The following TENM4 variants were observed in gnomAD, a reference collection of about 807,000 sequenced individuals.
TENM4 encodes the protein teneurin-4.
TENM4 carries 82 observed loss-of-function variants against 243.3 expected under a neutral mutation model. The observed-to-expected ratio is 0.34, with a 90% confidence interval of 0.28 to 0.40. TENM4 has a LOEUF of 0.40. Ranked by LOEUF, TENM4 falls within the 10% of genes least tolerant of loss-of-function variation. The pLI is 1.00. For missense variants in TENM4, 3,138 were observed against 3,673.3 expected (o/e 0.85, Z 3.77); for synonymous variants, 1,412 against 1,456.3 (o/e 0.97, Z 0.69).
intron 1 of TENM4, among the ~76,000 whole-genome samples, chr11:79,342,466 T>A: frequency 6.6e-6 from 1 of 152,074 alleles, no homozygotes; most frequent in Non-Finnish European, 1.5e-5. Flanking sequence ...GGAGGGATGG[T>A]GGCTGGGAGT....
At chr11:79,222,970 C>T (rs1279445544) in intron 2 of TENM4, among the ~76,000 whole-genome samples, 3 of 151,912 alleles carry the variant, frequency 2.0e-5, no homozygotes, top group Non-Finnish European at 4.4e-5. Flanking sequence ...AAACAACATA[C>T]ATTGGGGCCT....
At chr11:78,668,145 C>T (rs752342367) in intron 32 of TENM4, among the ~76,000 whole-genome samples, 11 of 152,216 alleles carry the variant, frequency 7.2e-5, no homozygotes, top group Non-Finnish European at 1.6e-4. Context: ...CTTGCAACCA[C>T]CCTACCAGGT....
chr11:79,274,872 G>A (rs1208513066), intron 2 of TENM4, among the ~76,000 whole-genome samples: 1 of 152,202 alleles, frequency 6.6e-6, no homozygotes, highest in African/African-American at 2.4e-5. Context: ...CACTTGCCAT[G>A]TGACCTTAGC....
chr11:78,823,247 T>C (rs907969285), intron 12 of TENM4, among the ~76,000 whole-genome samples: 1 of 152,150 alleles, frequency 6.6e-6, no homozygotes, highest in African/African-American at 2.4e-5. Flanking sequence ...TCCAGTGCAA[T>C]GCCCCGGCCT....
intron 1 of TENM4, among the ~76,000 whole-genome samples, chr11:79,394,246 C>G (rs547186219): frequency 4.6e-5 from 7 of 152,304 alleles, no homozygotes; most frequent in Admixed American, 3.9e-4. Flanking sequence ...CAAGTATTTA[C>G]AGAGCACCTG....
chr11:79,257,368 A>T (rs1174510178), intron 2 of TENM4, among the ~76,000 whole-genome samples: 2 of 152,192 alleles, frequency 1.3e-5, no homozygotes, highest in Non-Finnish European at 2.9e-5. Context: ...AGCATTCAGG[A>T]TGCTGTTCCT....
chr11:78,740,732 T>C (rs1012435635), intron 19 of TENM4, among the ~76,000 whole-genome samples: 1 of 152,228 alleles, frequency 6.6e-6, no homozygotes, highest in East Asian at 1.9e-4. Context: ...GGATTCTGCC[T>C]GGACAGAAAC....
intron 2 of TENM4, among the ~76,000 whole-genome samples, chr11:79,225,287 T>C (rs750851587): frequency 6.6e-6 from 1 of 152,214 alleles, no homozygotes; most frequent in Non-Finnish European, 1.5e-5. Context: ...AAAAGCAGAC[T>C]GGAGCAGCAG....
intron 4 of TENM4, among the ~76,000 whole-genome samples, chr11:79,112,985 C>T (rs1861538775): frequency 6.6e-6 from 1 of 152,182 alleles, no homozygotes; most frequent in African/African-American, 2.4e-5. Flanking sequence ...GAGGAAGAGA[C>T]ACCAAAATGG....
chr11:78,902,923 C>A (rs980878421), intron 7 of TENM4, among the ~76,000 whole-genome samples: 1 of 152,200 alleles, frequency 6.6e-6, no homozygotes, highest in African/African-American at 2.4e-5. Flanking sequence ...GTGAAAGCCT[C>A]GTTCACACAT....
intron 6 of TENM4, among the ~76,000 whole-genome samples, chr11:78,995,162 G>T (rs1858141487): frequency 6.6e-6 from 1 of 152,134 alleles, no homozygotes; most frequent in South Asian, 2.1e-4. Context: ...GGAATAGAGT[G>T]AGGCCCTCTA....
At chr11:79,082,646 G>T (rs1244071161) in intron 4 of TENM4, among the ~76,000 whole-genome samples, 1 of 152,190 alleles carries the variant, frequency 6.6e-6, no homozygotes, top group Non-Finnish European at 1.5e-5. Context: ...TCCAAGTTCT[G>T]TGAGATGCAG....
rs3812722 is a variant in TENM4 at position 78,854,341 on chromosome 11, C to T, written c.1471-27G>A. 727 of 1,474,188 alleles carry T rather than the reference C, an allele frequency of 4.9e-4. 11 individuals carry two copies. The East Asian group carries it at 0.018, about 36-fold the overall frequency. 91.3% of individuals were successfully genotyped at this position (1,474,188 alleles called of 1,614,324 possible). A position where few individuals can be genotyped will look rare whatever the true frequency, so the allele number is the denominator to read the frequency against. ...TGAAAGACAGAGAAAGCACAGTTAG[C>T]AGTGGGTCTGTTCCACCACGCACCA... is the stretch of plus-strand genomic sequence containing the variant. On this transcript the variant is annotated intron_variant, in intron 11 of 33. Transcript: ENST00000278550.
chr11:79,418,510 C>A (rs957422401), intron 1 of TENM4, among the ~76,000 whole-genome samples: 1 of 152,158 alleles, frequency 6.6e-6, no homozygotes, highest in African/African-American at 2.4e-5. Context: ...TTATGAATCC[C>A]ACCAATCTAT....
intron 3 of TENM4, among the ~76,000 whole-genome samples, chr11:79,197,913 C>A (rs1290370703): frequency 1.3e-5 from 2 of 152,074 alleles, no homozygotes; most frequent in East Asian, 1.9e-4. Context: ...GACTCAAACA[C>A]CTGCAGGCCG....
At chr11:78,821,677 G>T (rs1201712386) in intron 12 of TENM4, among the ~76,000 whole-genome samples, 5 of 152,162 alleles carry the variant, frequency 3.3e-5, no homozygotes, top group Non-Finnish European at 7.3e-5. Flanking sequence ...TTCAAATAAA[G>T]AATTCTTGAA....
intron 3 of TENM4, among the ~76,000 whole-genome samples, chr11:79,166,215 A>G (rs1862910192): frequency 6.6e-6 from 1 of 152,202 alleles, no homozygotes; most frequent in Admixed American, 6.5e-5. Flanking sequence ...ACTTGATGTA[A>G]GTCAAGACAT....
intron 6 of TENM4, among the ~76,000 whole-genome samples, chr11:79,028,924 C>T (rs1441665842): frequency 6.6e-6 from 1 of 152,146 alleles, no homozygotes; most frequent in Non-Finnish European, 1.5e-5. Flanking sequence ...TTAACAAGCA[C>T]ACTAAGTGGT....
intron 1 of TENM4, among the ~76,000 whole-genome samples, chr11:79,417,662 C>A (rs1858846996): frequency 6.6e-6 from 1 of 151,890 alleles, no homozygotes; most frequent in Non-Finnish European, 1.5e-5. Context: ...CTCATGACAT[C>A]CCTGCTCATA....
Sources: allele counts gnomAD v4.1 joint callset (sites outside exome capture counted in the v4.1 genomes callset), GRCh38; gene constraint gnomAD v4.1.1; transcripts MANE v1.5; gene names NCBI Gene and HGNC (gene_info 2026-07-23, HGNC 2026-07-21).